Variants in SPMIP4 observed in about 807,000 individuals in gnomAD.
The protein encoded by SPMIP4 is sperm-associated microtubule inner protein 4.
the SPMIP4 span, among the ~76,000 whole-genome samples, chr7:25,176,146 G>A: frequency 2.6e-5 from 4 of 152,156 alleles, no homozygotes; most frequent in Non-Finnish European, 4.4e-5. This position sits in a 1 kb window ranked among gnomAD's most constrained non-coding sequence, Gnocchi z 4.4. Flanking sequence ...AACAAAAAAC[G>A]TGCTTCTCTT....
chr7:25,164,122 C>T, the SPMIP4 span, among the ~76,000 whole-genome samples: 1 of 152,150 alleles, frequency 6.6e-6, no homozygotes, highest in African/African-American at 2.4e-5. Flanking sequence ...TCCCCCTTAG[C>T]CAGAATGCAT....
chr7:25,153,443 G>A, the SPMIP4 span, among the ~76,000 whole-genome samples: 1 of 151,690 alleles, frequency 6.6e-6, no homozygotes, highest in Non-Finnish European at 1.5e-5. Flanking sequence ...GTGGTGGCAC[G>A]TGCCTATAGT....
chr7:25,165,445 G>A, the SPMIP4 span, among the ~76,000 whole-genome samples: 1 of 152,200 alleles, frequency 6.6e-6, no homozygotes, highest in Non-Finnish European at 1.5e-5. Context: ...TCATTTGTAT[G>A]AAAATTGTTG....
the SPMIP4 span, chr7:25,179,440 T>C: frequency 2.2e-6 from 2 of 911,414 alleles, no homozygotes; most frequent in East Asian, 2.7e-5. Context: ...CGTCACAGGC[T>C]TCCCTCTGCA....
chr7:25,175,893 C>G, the SPMIP4 span, among the ~76,000 whole-genome samples: 4 of 152,134 alleles, frequency 2.6e-5, no homozygotes, highest in Non-Finnish European at 5.9e-5. Context: ...GAAAGACACT[C>G]TTTTGTAAGC....
chr7:25,180,329 G>T, the SPMIP4 span: 2 of 152,370 alleles, frequency 1.3e-5, no homozygotes, highest in Non-Finnish European at 2.9e-5. Flanking sequence ...AGTGCGAGGC[G>T]CCGGGTCGGA....
the SPMIP4 span, chr7:25,142,580 G>C: frequency 1.4e-6 from 2 of 1,394,624 alleles, no homozygotes; most frequent in South Asian, 2.5e-5. Flanking sequence ...GCTTGTCATA[G>C]CATTTGTTAA....
chr7:25,180,120 C>G, the SPMIP4 span: 2 of 126,358 alleles, frequency 1.6e-5, no homozygotes, highest in African/African-American at 5.8e-5. Context: ...AGAAGGACGG[C>G]GGGCAGGCCG....
At chr7:25,130,271 A>G in the SPMIP4 span, among the ~76,000 whole-genome samples, 1 of 151,932 alleles carries the variant, frequency 6.6e-6, no homozygotes, top group Non-Finnish European at 1.5e-5. Context: ...AAAGAAAAGA[A>G]AAAAGAAAAG....
chr7:25,151,739 G>A, the SPMIP4 span: 18 of 934,466 alleles, frequency 1.9e-5, no homozygotes, highest in Non-Finnish European at 2.9e-5. Context: ...GGATTAATAG[G>A]TACAATAAAT....
At chr7:25,159,087 T>C in the SPMIP4 span, among the ~76,000 whole-genome samples, 14 of 152,220 alleles carry the variant, frequency 9.2e-5, no homozygotes, top group Non-Finnish European at 1.9e-4. Context: ...CTTCTAATGA[T>C]AAGAGAGCTC....
chr7:25,156,468 G>A, the SPMIP4 span, among the ~76,000 whole-genome samples: 3 of 152,078 alleles, frequency 2.0e-5, no homozygotes, highest in Non-Finnish European at 2.9e-5. Flanking sequence ...TCACTTTGTC[G>A]TTTTTTAAAA....
chr7:25,179,155 T>C, the SPMIP4 span: 2 of 1,578,920 alleles, frequency 1.3e-6, no homozygotes, highest in East Asian at 4.5e-5. Context: ...CTTGTTTGCT[T>C]TTTCTAGTTT....
At chr7:25,143,445 G>A in the SPMIP4 span, among the ~76,000 whole-genome samples, 1 of 152,194 alleles carries the variant, frequency 6.6e-6, no homozygotes, top group Non-Finnish European at 1.5e-5. Flanking sequence ...GTGCACAGTA[G>A]TGGCTGCAAA....
the SPMIP4 span, chr7:25,135,585 G>T: frequency 2.6e-5 from 23 of 891,612 alleles, no homozygotes; most frequent in Non-Finnish European, 3.0e-5. Flanking sequence ...AATTTGTATA[G>T]TCATTCATTA....
the SPMIP4 span, among the ~76,000 whole-genome samples, chr7:25,166,375 C>G: frequency 6.6e-6 from 1 of 151,296 alleles, no homozygotes; most frequent in Non-Finnish European, 1.5e-5. Flanking sequence ...ATCATGAGGT[C>G]AGGAGATCGA....
At chr7:25,152,821 G>A in the SPMIP4 span, among the ~76,000 whole-genome samples, 1 of 141,792 alleles carries the variant, frequency 7.1e-6, no homozygotes, top group African/African-American at 2.7e-5. Flanking sequence ...TCAGCTCACT[G>A]TAACCTCTGC....
chr7:25,166,362 C>T, the SPMIP4 span, among the ~76,000 whole-genome samples: 61 of 150,258 alleles, frequency 4.1e-4, 1 homozygote, highest in South Asian at 0.011. Context: ...CCCAGGTGGG[C>T]GGATCATGAG....
At chr7:25,179,352 C>T in the SPMIP4 span, 1 of 1,588,016 alleles carries the variant, frequency 6.3e-7, no homozygotes, top group East Asian at 2.3e-5. Flanking sequence ...AAAAGGAGGG[C>T]ACATTTGGCT....
Sources: allele counts gnomAD v4.1 joint callset (sites outside exome capture counted in the v4.1 genomes callset), GRCh38; gene constraint gnomAD v4.1.1; non-coding constraint Gnocchi (gnomAD v3.1); transcripts MANE v1.5; gene names NCBI Gene and HGNC (gene_info 2026-07-23, HGNC 2026-07-21).